The following CCDC127 variants were observed in gnomAD, a reference collection of about 807,000 sequenced individuals.
CCDC127 encodes the protein coiled-coil domain containing 127.
In CCDC127, 2 loss-of-function variants were observed where a neutral mutation model predicts 4.1. The observed-to-expected ratio is 0.49, with a 90% confidence interval of 0.20 to 1.53. The LOEUF (loss-of-function observed/expected upper bound fraction) is 1.53. Ranked by LOEUF, CCDC127 falls within the 40% of genes most tolerant of loss-of-function variation. The probability of loss-of-function intolerance (pLI) is 0.23; values close to 1 mark genes in which losing one functional copy is unlikely to be tolerated. For synonymous variants in CCDC127, 98 were observed against 120.4 expected (o/e 0.81, Z 1.22); for missense variants, 271 against 322.9 (o/e 0.84, Z 1.23).
In CCDC127 at chr5:201,041, CCCCCCA is replaced by C. The variant is rs1734067273; in HGVS notation, c.*4250_*4255del. 1 of 17,292 alleles carries C rather than the reference CCCCCCA, an allele frequency of 5.8e-5. No individual in the cohort carries two copies. The highest frequency in any genetic ancestry group is 2.0e-4 in the Non-Finnish European group (1 of 5,030). 1.1% of individuals were successfully genotyped at this position (17,292 alleles called of 1,614,324 possible). A position where few individuals can be genotyped will look rare whatever the true frequency, so the allele number is the denominator to read the frequency against. On this transcript the variant is annotated 3_prime_UTR_variant, in exon 3 of 3. Transcript: ENST00000296824. ...CAGCCAGTGTCTACACAGCAGGCTG[CCCCCCA>C]TCACAGCCAGCCAGTGTCTACACAG...
intron 2 of CCDC127, among the ~76,000 whole-genome samples, chr5:206,546 G>A (rs1734177385): frequency 6.6e-6 from 1 of 152,200 alleles, no homozygotes; most frequent in South Asian, 2.1e-4. Context: ...AGCAGGGCTG[G>A]CCTGCACTGC....
At chr5:217,539 G>C (rs1734438619) in intron 1 of CCDC127, among the ~76,000 whole-genome samples, 1 of 152,134 alleles carries the variant, frequency 6.6e-6, no homozygotes, top group South Asian at 2.1e-4. Context: ...ACTTTCATAT[G>C]AGCTAGGGTT....
intron 2 of CCDC127, among the ~76,000 whole-genome samples, chr5:212,418 T>C (rs542468646): frequency 2.8e-5 from 1 of 36,284 alleles, no homozygotes; most frequent in East Asian, 3.6e-4. Flanking sequence ...CCCATCATGA[T>C]GGGGCAGACT....
chr5:218,021 T>C, intron 1 of CCDC127, 72 bp downstream of exon 1: 1 of 931,882 alleles, frequency 1.1e-6, no homozygotes, highest in Non-Finnish European at 1.3e-6. Context: ...GTCTGGGCGA[T>C]CCCGGAGAAC....
Position 205,652 on chromosome 5 carries a change from C to T in CCDC127, c.428G>A (p.Ser143Asn). 6.2e-7 allele frequency: 1 copy of T among 1,614,182 alleles called. No homozygotes were observed. The highest frequency in any genetic ancestry group is 8.5e-7 in the Non-Finnish European group (1 of 1,180,018). The change falls in exon 3 of 3, where the codon AGC becomes AAC. Residue 143 changes from serine (S) to asparagine (N), a missense_variant. Physicochemically the swap from Ser to Asn is conservative, Grantham distance 46. Around this residue, in one of 2 missense-constraint regions of CCDC127, gnomAD observed 265 missense variants for 270.9 expected, o/e 0.98. Transcript: ENST00000296824. ...CCAGTTTTCTTCCCTTTGCAGGCAG[C>T]TCAAATACGCACTTCTCAAAGGCTG... is the stretch of plus-strand genomic sequence containing the variant. ...QVQPLRSAYL[S>N]CLQREENWQR... is the part of the protein sequence containing the mutation.
intron 1 of CCDC127, among the ~76,000 whole-genome samples, 165 bp downstream of exon 1, chr5:217,927 GC>G: frequency 6.6e-6 from 1 of 152,370 alleles, no homozygotes; most frequent in South Asian, 2.1e-4. Context: ...GAGGTCGGAG[GC>G]CCCGGGCCGC....
chr5:215,541 T>C, intron 2 of CCDC127: 1 of 152,254 alleles, frequency 6.6e-6, no homozygotes, highest in East Asian at 1.9e-4. Context: ...CTCCAAGTGT[T>C]AAGGGTTTTT....
rs1261413608 is a variant in CCDC127, at chr5:203,844, G to A, written c.*1453C>T. ...ACATCTCCGTAAAGTGAGGTGCGTG[G>A]TGACGAATTCACACAGCAGGCCCAA... On this transcript the variant is annotated 3_prime_UTR_variant, in exon 3 of 3. Coordinates refer to ENST00000296824, the MANE Select transcript of CCDC127 (RefSeq NM_145265.3). The A allele has an allele frequency of 2.0e-5, 3 of 152,256 alleles. No homozygotes were observed. Among genetic ancestry groups the A allele is most frequent in the African/African-American group, 7.2e-5 (3 of 41,448 alleles). The allele number at this position is 152,256 out of a possible 1,614,324, so 9.4% of individuals were successfully genotyped here. A position where few individuals can be genotyped will look rare whatever the true frequency, so the allele number is the denominator to read the frequency against.
intron 2 of CCDC127, chr5:215,466 T>C (rs2126514420): frequency 6.6e-6 from 1 of 152,230 alleles, no homozygotes; most frequent in Non-Finnish European, 1.5e-5. Context: ...AATTAATTAT[T>C]ACATTAGTCA....
Position 218,073 on chromosome 5 carries a change from C to A in CCDC127, c.-11+20G>T, listed in dbSNP as rs979140514. 2.6e-6 allele frequency: 3 copies of A among 1,158,290 alleles called. No homozygotes were observed. The highest frequency in any genetic ancestry group is 3.2e-6 in the Non-Finnish European group (3 of 939,104). The allele number at this position is 1,158,290 out of a possible 1,614,324, so 71.8% of individuals were successfully genotyped here. Reference sequence around the variant, plus strand: ...AAAATGTTGGTGCCCACCACCTCCCCGGAACAGGGCCCGCTCTACCTCGGT... The same window carrying A: ...AAAATGTTGGTGCCCACCACCTCCCAGGAACAGGGCCCGCTCTACCTCGGT... On this transcript the variant is annotated intron_variant, in intron 1 of 2. Transcript: ENST00000296824.
rs1470562183 is a variant in CCDC127 at position 197,749 on chromosome 5, C to T, written c.*7548G>A. On this transcript the variant is annotated 3_prime_UTR_variant, in exon 3 of 3. Coordinates refer to ENST00000296824, the MANE Select transcript of CCDC127 (RefSeq NM_145265.3). ...CTCATGTCTTCCCTTTCTACATAGA[C>T]ACAGTGACAGTCTGATCTCTCTTTT... 1 of 155,636 alleles carries T rather than the reference C, an allele frequency of 6.4e-6. No homozygotes were observed. The highest frequency in any genetic ancestry group is 2.4e-5 in the African/African-American group (1 of 41,454). 9.6% of individuals were successfully genotyped at this position (155,636 alleles called of 1,614,324 possible).
Position 197,040 on chromosome 5 carries a change from A to G in CCDC127, c.*8257T>C, listed in dbSNP as rs1216716882. On this transcript the variant is annotated 3_prime_UTR_variant, in exon 3 of 3. Coordinates refer to ENST00000296824, the MANE Select transcript of CCDC127 (RefSeq NM_145265.3). ...AGGAGGAGGTCAGCAAAAACGTGTGAGCAAAAGAATCTATGTCGTAATTAA... is the reference window on the plus strand; with the variant it reads ...AGGAGGAGGTCAGCAAAAACGTGTGGGCAAAAGAATCTATGTCGTAATTAA... The G allele has an allele frequency of 1.3e-5, 2 of 151,034 alleles. No homozygotes were observed. Among genetic ancestry groups the G allele is most frequent in the African/African-American group, 4.9e-5 (2 of 40,600 alleles). The allele number at this position is 151,034 out of a possible 1,614,324, so 9.4% of individuals were successfully genotyped here. A position where few individuals can be genotyped will look rare whatever the true frequency, so the allele number is the denominator to read the frequency against.
chr5:217,515 G>A (rs1214164792), intron 1 of CCDC127, among the ~76,000 whole-genome samples: 3 of 152,112 alleles, frequency 2.0e-5, no homozygotes, highest in Non-Finnish European at 4.4e-5. Context: ...GATAAAAGTG[G>A]GCTCACACCG....
intron 2 of CCDC127, among the ~76,000 whole-genome samples, chr5:210,333 C>T (rs1422633933): frequency 1.3e-5 from 2 of 152,054 alleles, no homozygotes; most frequent in African/African-American, 4.8e-5. Context: ...GCAAATGCCC[C>T]TATGAAGAGA....
In CCDC127 at chr5:217,103, C is replaced by T. The variant is rs150517769; in HGVS notation, c.-10-244G>A. ...TCGAGGTCGCGCCACTGCACTCCAG[C>T]CTGGTGACAGAACGAGACTCCGTCC... On this transcript the variant is annotated intron_variant, in intron 1 of 2. Coordinates refer to ENST00000296824, the MANE Select transcript of CCDC127 (RefSeq NM_145265.3). 7.5e-3 allele frequency: 2,215 copies of T among 295,792 alleles called. 15 individuals carry two copies. Among genetic ancestry groups the T allele is most frequent in the Non-Finnish European group, 9.9e-3 (1,582 of 160,236 alleles). 18.3% of individuals were successfully genotyped at this position (295,792 alleles called of 1,614,324 possible).
chr5:213,719 G>A (rs968424806), intron 2 of CCDC127, among the ~76,000 whole-genome samples: 3 of 152,250 alleles, frequency 2.0e-5, no homozygotes, highest in Non-Finnish European at 2.9e-5. Context: ...ACCAGGTGGA[G>A]AAACCGATCA....
At position 204,716 on chromosome 5, in the gene CCDC127, A is replaced by G. The variant is rs888165901; in HGVS notation, c.*581T>C. On this transcript the variant is annotated 3_prime_UTR_variant, in exon 3 of 3. Coordinates refer to ENST00000296824, the MANE Select transcript of CCDC127 (RefSeq NM_145265.3). ...TACAACAAACACACATTAGGTAACA[A>G]CTGCATACAACAAACACACATTAAG... The G allele has an allele frequency of 5.9e-5, 9 of 152,344 alleles. No individual in the cohort carries two copies. The highest frequency in any genetic ancestry group is 2.2e-4 in the African/African-American group (9 of 41,458). The allele number at this position is 152,344 out of a possible 1,614,324, so 9.4% of individuals were successfully genotyped here.
chr5:205,851 T>A lies in CCDC127; in HGVS notation c.229A>T (p.Met77Leu). 1 of 1,614,208 alleles carries A rather than the reference T, an allele frequency of 6.2e-7. No homozygotes were observed. Among genetic ancestry groups the A allele is most frequent in the Non-Finnish European group, 8.5e-7 (1 of 1,180,024 alleles). The change falls in exon 3 of 3, where the codon ATG becomes TTG. Residue 77 changes from methionine to leucine, a missense_variant. This residue lies in a region of CCDC127 where 265 missense variants were observed against 270.9 expected (regional missense o/e 0.98). Transcript: ENST00000296824. ...QQDLEAKYHAMISENRRAVAQ... is the reference protein window; with the variant it reads ...QQDLEAKYHALISENRRAVAQ... Reference sequence around the variant, plus strand: ...ACAGCACGCCGATTTTCTGAGATCATGGCGTGGTACTTGGCTTCCAGATCC... The same window carrying A: ...ACAGCACGCCGATTTTCTGAGATCAAGGCGTGGTACTTGGCTTCCAGATCC...
At chr5:209,003 C>T (rs1471930200) in intron 2 of CCDC127, among the ~76,000 whole-genome samples, 3 of 152,246 alleles carry the variant, frequency 2.0e-5, no homozygotes, top group East Asian at 3.9e-4. Flanking sequence ...AAAATAAACA[C>T]AAGACGTAAA....
Sources: allele counts gnomAD v4.1 joint callset (sites outside exome capture counted in the v4.1 genomes callset), GRCh38; gene constraint gnomAD v4.1.1; regional missense constraint gnomAD v4.1.1; transcripts MANE v1.5; gene names NCBI Gene and HGNC (gene_info 2026-07-23, HGNC 2026-07-21).